SYNDIG1L: variants seen among roughly 807,000 people sequenced by gnomAD.
SYNDIG1L encodes synapse differentiation inducing 1 like, also known as synapse differentiation-inducing gene protein 1-like.
Under a neutral mutation model 20.1 loss-of-function variants are expected in SYNDIG1L, and 13 were observed. The ratio of observed to expected loss-of-function variants is 0.65; its 90% CI spans 0.42 to 1.03. The LOEUF is 1.03. Among genes scored for constraint, SYNDIG1L ranks in the 50% least tolerant of loss-of-function variants. The pLI is 0.00. For synonymous variants in SYNDIG1L, 128 were observed against 129.3 expected (o/e 0.99, Z 0.07); for missense variants, 294 against 305.1 (o/e 0.96, Z 0.27).
chr14:74,473,824 A>C, the SYNDIG1L span, among the ~76,000 whole-genome samples: 1 of 152,232 alleles, frequency 6.6e-6, no homozygotes, highest in East Asian at 1.9e-4. Context: ...GGATGACACA[A>C]GTGTACAGCT....
Position 74,408,006 on chromosome 14 carries a change from T to C in SYNDIG1L, c.418-17A>G. 6.3e-7 allele frequency: 1 copy of C among 1,594,734 alleles called. No homozygotes were observed. Among genetic ancestry groups the C allele is most frequent in the South Asian group, 1.1e-5 (1 of 87,090 alleles). On this transcript the variant is annotated splice_polypyrimidine_tract_variant and intron_variant, in intron 2 of 3. Coordinates refer to ENST00000331628, the MANE Select transcript of SYNDIG1L (RefSeq NM_001105579.2). ...GGCATCGCTCTGCAAAACAGTGGAG[T>C]TTGGTGACCAGGCCCAGGATCAGCC...
At chr14:74,451,292 G>A in the SYNDIG1L span, among the ~76,000 whole-genome samples, 1 of 152,170 alleles carries the variant, frequency 6.6e-6, no homozygotes, top group Admixed American at 6.5e-5. Flanking sequence ...TGACAAAAGT[G>A]CAGAAAACAA....
the SYNDIG1L span, among the ~76,000 whole-genome samples, chr14:74,446,352 C>T: frequency 3.0e-4 from 46 of 151,700 alleles, no homozygotes; most frequent in African/African-American, 1.0e-3. Context: ...AAAATAAGCA[C>T]CAAAAAAATT....
chr14:74,445,454 T>TTGTGTGTGTGTG, the SYNDIG1L span, among the ~76,000 whole-genome samples: 24 of 147,868 alleles, frequency 1.6e-4, no homozygotes, highest in African/African-American at 5.9e-4. Context: ...GTATTAAAAT[T>TTGTGTGTGTGTG]TGTGTGTGTG....
At chr14:74,449,250 G>C in the SYNDIG1L span, among the ~76,000 whole-genome samples, 4 of 134,426 alleles carry the variant, frequency 3.0e-5, no homozygotes, top group African/African-American at 1.1e-4. Context: ...AAGAAAAAAA[G>C]AAAAAAAAAA....
At chr14:74,476,167 G>T in the SYNDIG1L span, 1 of 484,088 alleles carries the variant, frequency 2.1e-6, no homozygotes, top group East Asian at 3.5e-5. Flanking sequence ...ATCCCCCTTT[G>T]TGGCAGAGGC....
chr14:74,455,430 C>T, the SYNDIG1L span, among the ~76,000 whole-genome samples: 2 of 150,204 alleles, frequency 1.3e-5, no homozygotes, highest in Admixed American at 6.6e-5. Context: ...GAGTCTTGCC[C>T]TGTTGCCCAG....
At chr14:74,458,084 C>T in the SYNDIG1L span, among the ~76,000 whole-genome samples, 4 of 152,082 alleles carry the variant, frequency 2.6e-5, no homozygotes, top group South Asian at 2.1e-4. Flanking sequence ...ACGGGAGAGC[C>T]ACTGCGCCCA....
At chr14:74,476,141 T>C in the SYNDIG1L span, 1 of 418,906 alleles carries the variant, frequency 2.4e-6, no homozygotes, top group African/African-American at 2.0e-5. Context: ...CTTTCCTATG[T>C]TGATCCATTT....
At chr14:74,466,594 C>G in the SYNDIG1L span, among the ~76,000 whole-genome samples, 2 of 152,170 alleles carry the variant, frequency 1.3e-5, no homozygotes, top group Non-Finnish European at 2.9e-5. Flanking sequence ...CATCTCCTCC[C>G]CAGCCTCCCC....
the SYNDIG1L span, among the ~76,000 whole-genome samples, chr14:74,431,293 A>C: frequency 1.4e-4 from 21 of 152,200 alleles, no homozygotes. Flanking sequence ...TGGCTTTCTG[A>C]GCTTGGAAAG....
the SYNDIG1L span, among the ~76,000 whole-genome samples, chr14:74,458,932 G>T: frequency 6.6e-6 from 1 of 152,108 alleles, no homozygotes; most frequent in Non-Finnish European, 1.5e-5. Flanking sequence ...CAGTGGACAG[G>T]GAAGTGTGCC....
chr14:74,463,780 G>A, the SYNDIG1L span, among the ~76,000 whole-genome samples: 1 of 152,202 alleles, frequency 6.6e-6, no homozygotes, highest in African/African-American at 2.4e-5. Flanking sequence ...TTAAGTTTTA[G>A]TCATGACAGA....
chr14:74,438,010 G>A, the SYNDIG1L span, among the ~76,000 whole-genome samples: 7 of 152,224 alleles, frequency 4.6e-5, no homozygotes, highest in African/African-American at 1.4e-4. Context: ...TAGGTTCACA[G>A]TCAGACTATT....
At chr14:74,476,868 C>A in the SYNDIG1L span, among the ~76,000 whole-genome samples, 1 of 152,072 alleles carries the variant, frequency 6.6e-6, no homozygotes, top group South Asian at 2.1e-4. Context: ...GTAAGTGAAT[C>A]GGATTCAGTT....
At chr14:74,423,058 C>T (rs1158664626) in intron 1 of SYNDIG1L, among the ~76,000 whole-genome samples, 1 of 152,120 alleles carries the variant, frequency 6.6e-6, no homozygotes, top group Non-Finnish European at 1.5e-5. Context: ...AGCCCCCCCG[C>T]CCCCAAGATC....
At chr14:74,432,751 G>A in the SYNDIG1L span, among the ~76,000 whole-genome samples, 3 of 152,138 alleles carry the variant, frequency 2.0e-5, no homozygotes, top group Non-Finnish European at 4.4e-5. Flanking sequence ...CTACTCAGAA[G>A]GTTGAGGCAG....
At chr14:74,473,152 C>T in the SYNDIG1L span, among the ~76,000 whole-genome samples, 3 of 152,040 alleles carry the variant, frequency 2.0e-5, no homozygotes, top group Non-Finnish European at 2.9e-5. Flanking sequence ...GAGCCCGAGG[C>T]GGGTGGATGG....
chr14:74,457,994 C>A, the SYNDIG1L span, among the ~76,000 whole-genome samples: 1 of 151,936 alleles, frequency 6.6e-6, no homozygotes, highest in Non-Finnish European at 1.5e-5. Context: ...GAGATGAGGT[C>A]TCACTATGTT....
Sources: gnomAD v4.1 joint callset for allele counts (sites outside exome capture counted in the v4.1 genomes callset) on GRCh38, gnomAD v4.1.1 for gene constraint, MANE v1.5 for transcripts, NCBI Gene and HGNC (gene_info 2026-07-23, HGNC 2026-07-21) for gene names.